CALCR: variants seen among roughly 807,000 people sequenced by gnomAD.
CALCR encodes calcitonin receptor.
In CALCR, 47 loss-of-function variants were observed where a neutral mutation model predicts 59.5. That is an observed-to-expected ratio of 0.79 (90% CI 0.63 to 1.01). The LOEUF (loss-of-function observed/expected upper bound fraction) is 1.01. Ranked by LOEUF, CALCR falls within the 50% of genes least tolerant of loss-of-function variation. The pLI, the probability that CALCR is intolerant of heterozygous loss-of-function variation, is 0.00. For synonymous variants in CALCR, 213 were observed against 211.3 expected (o/e 1.01, Z -0.07); for missense variants, 566 against 597.1 (o/e 0.95, Z 0.54).
intron 2 of CALCR, among the ~76,000 whole-genome samples, chr7:93,533,851 G>A (rs1473138468): frequency 6.6e-6 from 1 of 151,680 alleles, no homozygotes; most frequent in Non-Finnish European, 1.5e-5. Context: ...ATTTCTTTGG[G>A]AAGTAAATCT....
At chr7:93,477,961 C>CAAAAAAAAAAAAAAAAAAA (rs71107894) in intron 4 of CALCR, among the ~76,000 whole-genome samples, 1 of 54,400 alleles carries the variant, frequency 1.8e-5, no homozygotes, top group African/African-American at 7.1e-5. Flanking sequence ...GACCCTCTCT[C>CAAAAAAAAAAAAAAAAAAA]AAAAAAAAAA....
At chr7:93,471,021 C>A (rs898230518) in intron 6 of CALCR, among the ~76,000 whole-genome samples, 3 of 148,960 alleles carry the variant, frequency 2.0e-5, no homozygotes, top group Non-Finnish European at 4.5e-5. Flanking sequence ...TGAGAATATG[C>A]GGTGTTTGGT....
chr7:93,562,602 C>G (rs1285542051), intron 2 of CALCR, among the ~76,000 whole-genome samples: 1 of 152,084 alleles, frequency 6.6e-6, no homozygotes, highest in Admixed American at 6.6e-5. Flanking sequence ...CATTTATCTC[C>G]CACACCTGTT....
At chr7:93,439,384 G>C (rs945855752) in intron 9 of CALCR, among the ~76,000 whole-genome samples, 1 of 152,134 alleles carries the variant, frequency 6.6e-6, no homozygotes, top group Non-Finnish European at 1.5e-5. Flanking sequence ...GGCTCAGAAA[G>C]AGAAACAAAG....
rs568253773 is a variant in CALCR at position 93,571,380 on chromosome 7, T to G, written c.-27+2909A>C. On this transcript the variant is annotated intron_variant, in intron 2 of 13. Transcript: ENST00000426151. ...TGCTTGGCATATAACAATAAAAATT[T>G]TTTTGAATGAATGACATTTAAAAAA... Among the ~76,000 whole-genome samples the G allele has an allele frequency of 9.2e-5, 14 of 152,312 alleles. No individual in the cohort carries two copies. In the South Asian group the frequency reaches 2.9e-3, roughly 32 times the overall value.
chr7:93,558,022 G>T (rs947569068), intron 2 of CALCR, among the ~76,000 whole-genome samples: 9 of 151,634 alleles, frequency 5.9e-5, no homozygotes, highest in Non-Finnish European at 1.2e-4. Context: ...GGGAAATGTC[G>T]CCTTGTCTTT....
chr7:93,461,510 A>G (rs1800336435), intron 7 of CALCR, among the ~76,000 whole-genome samples: 1 of 152,062 alleles, frequency 6.6e-6, no homozygotes, highest in Non-Finnish European at 1.5e-5. Context: ...TAGAATCATC[A>G]CTGTAGTTCC....
chr7:93,491,098 C>T (rs1403382655), intron 2 of CALCR, among the ~76,000 whole-genome samples: 1 of 151,598 alleles, frequency 6.6e-6, no homozygotes, highest in Admixed American at 6.6e-5. Context: ...TCAGAAATAA[C>T]ACCACACATC....
At chr7:93,531,264 T>G (rs1215307590) in intron 2 of CALCR, among the ~76,000 whole-genome samples, 4 of 152,152 alleles carry the variant, frequency 2.6e-5, no homozygotes, top group Admixed American at 2.6e-4. Context: ...AAATGTGCCT[T>G]CACTCGGTGG....
At chr7:93,444,442 A>G (rs1799972607) in intron 8 of CALCR, among the ~76,000 whole-genome samples, 1 of 152,118 alleles carries the variant, frequency 6.6e-6, no homozygotes, top group Admixed American at 6.6e-5. Context: ...GTACTGCATA[A>G]TGGAATACTT....
At chr7:93,443,497 A>C in intron 9 of CALCR, 107 bp downstream of exon 9, 1 of 1,040,964 alleles carries the variant, frequency 9.6e-7, no homozygotes. Context: ...CATTCCTTGA[A>C]GGACCTGGGA....
At chr7:93,518,475 C>T (rs1801691619) in intron 2 of CALCR, among the ~76,000 whole-genome samples, 1 of 151,844 alleles carries the variant, frequency 6.6e-6, no homozygotes, top group African/African-American at 2.4e-5. Flanking sequence ...AGTTTTCCCA[C>T]CTGTTAGCTT....
At chr7:93,548,536 T>C (rs777510728) in intron 2 of CALCR, among the ~76,000 whole-genome samples, 3 of 152,090 alleles carry the variant, frequency 2.0e-5, no homozygotes, top group African/African-American at 4.8e-5. Context: ...TACTTTTAAA[T>C]ATAAACATGT....
intron 3 of CALCR, among the ~76,000 whole-genome samples, chr7:93,483,155 T>G (rs966078625): frequency 2.6e-5 from 4 of 151,716 alleles, no homozygotes; most frequent in African/African-American, 9.7e-5. Flanking sequence ...GATGCTTAGG[T>G]CCTTCATATA....
At chr7:93,572,270 A>G (rs1295743706) in intron 2 of CALCR, among the ~76,000 whole-genome samples, 1 of 152,066 alleles carries the variant, frequency 6.6e-6, no homozygotes, top group Non-Finnish European at 1.5e-5. Context: ...AACAAACAAC[A>G]TTTATTTTTA....
chr7:93,508,740 A>G (rs1180012102), intron 2 of CALCR, among the ~76,000 whole-genome samples: 1 of 152,086 alleles, frequency 6.6e-6, no homozygotes, highest in Non-Finnish European at 1.5e-5. Flanking sequence ...TTTTACTTTC[A>G]TTACCTAAAT....
At chr7:93,460,637 C>T (rs1370598878) in intron 8 of CALCR, among the ~76,000 whole-genome samples, 184 bp downstream of exon 8, 1 of 132,202 alleles carries the variant, frequency 7.6e-6, no homozygotes, top group African/African-American at 3.0e-5. Context: ...TTCTTATCTG[C>T]TATAATTTCT....
chr7:93,492,582 C>A (rs10277888), intron 2 of CALCR, among the ~76,000 whole-genome samples: 7,408 of 151,394 alleles, frequency 0.049, 621 homozygotes, highest in African/African-American at 0.17. Flanking sequence ...GAAGCATACA[C>A]GCACACACGT....
At chr7:93,545,739 A>G (rs1789269682) in intron 2 of CALCR, among the ~76,000 whole-genome samples, 1 of 152,120 alleles carries the variant, frequency 6.6e-6, no homozygotes, top group Admixed American at 6.5e-5. Flanking sequence ...CCTGAAGTTA[A>G]ACTTTAGTCC....
Sources: gnomAD v4.1 joint callset for allele counts (sites outside exome capture counted in the v4.1 genomes callset) on GRCh38, gnomAD v4.1.1 for gene constraint, MANE v1.5 for transcripts, NCBI Gene and HGNC (gene_info 2026-07-23, HGNC 2026-07-21) for gene names.